FHIT: variants seen among roughly 807,000 people sequenced by gnomAD.
The protein encoded by FHIT is fragile histidine triad diadenosine triphosphatase.
FHIT carries 19 observed loss-of-function variants against 17.9 expected under a neutral mutation model. The observed-to-expected ratio is 1.06, with a 90% CI of 0.74 to 1.56. FHIT has a LOEUF of 1.56. Ranked by LOEUF, FHIT falls within the 40% of genes most tolerant of loss-of-function variation. The pLI, the probability that FHIT is intolerant of heterozygous loss-of-function variation, is 0.00. For missense variants in FHIT, 248 were observed against 189.2 expected (o/e 1.31, Z -1.82); for synonymous variants, 81 against 69.7 (o/e 1.16, Z -0.81).
At chr3:60,451,785 C>A (rs956663674) in intron 5 of FHIT, among the ~76,000 whole-genome samples, 1 of 152,034 alleles carries the variant, frequency 6.6e-6, no homozygotes, top group African/African-American at 2.4e-5. Flanking sequence ...CCATAGGTAG[C>A]ACTGGGAGAT....
intron 4 of FHIT, among the ~76,000 whole-genome samples, chr3:60,609,385 G>A (rs2107728719): frequency 6.6e-6 from 1 of 152,084 alleles, no homozygotes; most frequent in African/African-American, 2.4e-5. Flanking sequence ...GAGTGCAGTG[G>A]CGCCATCTCA....
intron 5 of FHIT, among the ~76,000 whole-genome samples, chr3:60,204,458 G>GA (rs1703070478): frequency 7.8e-6 from 1 of 128,306 alleles, no homozygotes; most frequent in African/African-American, 2.9e-5. Flanking sequence ...TTTTTTTTTT[G>GA]TTTTGTTTTT....
Position 60,551,208 on chromosome 3 carries a change from C to T in FHIT, c.-17-14229G>A, listed in dbSNP as rs76062844. On this transcript the variant is annotated intron_variant, in intron 4 of 9. Coordinates refer to ENST00000492590, the MANE Select transcript of FHIT (RefSeq NM_002012.4). ...ATGGGTTTGAAAGATGAGCAGGGAT[C>T]AGATCATACAAGGTCTTGTGTGGCG... is the stretch of plus-strand genomic sequence containing the variant. Among the ~76,000 whole-genome samples, 1,246 of 151,732 alleles carry T rather than the reference C, an allele frequency of 8.2e-3. 27 individuals carry two copies. The highest frequency in any genetic ancestry group is 0.029 in the African/African-American group (1,192 of 41,388).
At chr3:60,447,396 G>A (rs372121086) in intron 5 of FHIT, among the ~76,000 whole-genome samples, 30 of 152,106 alleles carry the variant, frequency 2.0e-4, no homozygotes, top group African/African-American at 6.5e-4. Flanking sequence ...TAATCCATAT[G>A]TTACATAGGA....
chr3:60,097,504 A>G (rs1704004887), intron 5 of FHIT, among the ~76,000 whole-genome samples: 1 of 152,048 alleles, frequency 6.6e-6, no homozygotes, highest in Non-Finnish European at 1.5e-5. Flanking sequence ...CCACTTACAC[A>G]TGGATTTTCT....
chr3:60,157,911 T>A (rs1576220827), intron 5 of FHIT, among the ~76,000 whole-genome samples: 1 of 152,138 alleles, frequency 6.6e-6, no homozygotes, highest in South Asian at 2.1e-4. Context: ...GTCTTCAGGC[T>A]AGTTCCCTGA....
intron 2 of FHIT, among the ~76,000 whole-genome samples, chr3:61,128,304 G>C (rs548277288): frequency 6.6e-6 from 1 of 152,210 alleles, no homozygotes; most frequent in South Asian, 2.1e-4. Flanking sequence ...CTTATTGTAG[G>C]ACCAGGCATA....
intron 4 of FHIT, among the ~76,000 whole-genome samples, chr3:60,738,132 A>G (rs1553713053): frequency 6.6e-6 from 1 of 152,174 alleles, no homozygotes; most frequent in Non-Finnish European, 1.5e-5. Context: ...AGGGAGGAGG[A>G]GAACATGTGA....
chr3:59,869,314 C>T (rs998725802), intron 8 of FHIT, among the ~76,000 whole-genome samples: 1 of 152,072 alleles, frequency 6.6e-6, no homozygotes, highest in African/African-American at 2.4e-5. Context: ...AAAGATTATG[C>T]TTTCTATCCT....
Position 60,691,583 on chromosome 3 carries a change from T to A in FHIT, c.-18+130336A>T, listed in dbSNP as rs1227231922. On this transcript the variant is annotated intron_variant, in intron 4 of 9. Coordinates refer to ENST00000492590, the MANE Select transcript of FHIT (RefSeq NM_002012.4). The stretch of plus-strand genomic sequence containing the variant: ...CAGGTTTACATGTTGCCCAGGCTGG[T>A]CTCAAACTCCTGGGCTTGAGCAATC... Among the ~76,000 whole-genome samples, 6 of 152,094 alleles carry A rather than the reference T, an allele frequency of 3.9e-5. No individual in the cohort carries two copies. In the East Asian group the frequency reaches 1.2e-3, roughly 29 times the overall value.
chr3:60,241,836 G>C (rs1488621522), intron 5 of FHIT, among the ~76,000 whole-genome samples: 1 of 152,054 alleles, frequency 6.6e-6, no homozygotes, highest in East Asian at 1.9e-4. Flanking sequence ...GGAAGAAGTG[G>C]AGCTTACTCT....
Position 61,179,264 on chromosome 3 carries a change from T to TC in FHIT, c.-164+21352dup, listed in dbSNP as rs538608321. 1.9e-3 allele frequency among the ~76,000 whole-genome samples: 283 copies of TC among 152,188 alleles called. 1 individual carries two copies. The highest frequency in any genetic ancestry group is 3.3e-3 in the Non-Finnish European group (226 of 68,014). On this transcript the variant is annotated intron_variant, in intron 2 of 9. Transcript: ENST00000492590. ...ACCTCGTTATCTGCCCACCTCGGCC[T>TC]CCCGAAGTGCTGGGATTACAGGCAT...
At chr3:60,265,854 T>C (rs567939710) in intron 5 of FHIT, among the ~76,000 whole-genome samples, 89 of 151,966 alleles carry the variant, frequency 5.9e-4, no homozygotes, top group Non-Finnish European at 9.9e-4. Flanking sequence ...ATCAGAGAAA[T>C]GGTGATCTAA....
intron 4 of FHIT, among the ~76,000 whole-genome samples, chr3:60,793,801 C>G (rs1553729341): frequency 1.3e-5 from 2 of 152,154 alleles, no homozygotes; most frequent in Non-Finnish European, 2.9e-5. Context: ...AAGAGCCATC[C>G]TGGGGGTTCC....
intron 1 of FHIT, among the ~76,000 whole-genome samples, chr3:61,211,124 T>C (rs2039453969): frequency 6.6e-6 from 1 of 151,814 alleles, no homozygotes; most frequent in Admixed American, 6.5e-5. Flanking sequence ...ACCAGGTTCA[T>C]CTCACTAGGG....
chr3:59,958,525 C>A (rs1025759327), intron 7 of FHIT, among the ~76,000 whole-genome samples: 1 of 152,132 alleles, frequency 6.6e-6, no homozygotes, highest in Non-Finnish European at 1.5e-5. Flanking sequence ...AATTAGGTAT[C>A]TCACATGTAA....
chr3:60,886,979 C>T (rs1327096338), intron 3 of FHIT, among the ~76,000 whole-genome samples: 2 of 152,200 alleles, frequency 1.3e-5, no homozygotes, highest in African/African-American at 4.8e-5. Context: ...TATAATCTCA[C>T]AGCAAACTTC....
chr3:60,842,524 A>C (rs1251509450), intron 3 of FHIT, among the ~76,000 whole-genome samples: 1 of 150,640 alleles, frequency 6.6e-6, no homozygotes, highest in African/African-American at 2.4e-5. Flanking sequence ...TTTTATATTT[A>C]AAACATCTTT....
chr3:61,013,352 T>C (rs1361521601), intron 3 of FHIT, among the ~76,000 whole-genome samples: 1 of 152,186 alleles, frequency 6.6e-6, no homozygotes, highest in Non-Finnish European at 1.5e-5. Context: ...ATGATAAACT[T>C]TCCAAACAAA....
Sources: allele counts gnomAD v4.1 joint callset (sites outside exome capture counted in the v4.1 genomes callset), GRCh38; gene constraint gnomAD v4.1.1; transcripts MANE v1.5; gene names NCBI Gene and HGNC (gene_info 2026-07-23, HGNC 2026-07-21).